TMEM50B: variants seen among roughly 807,000 people sequenced by gnomAD.
TMEM50B encodes transmembrane protein 50B, also known as HCV p7-trans-regulated protein 3.
TMEM50B carries 14 observed loss-of-function variants against 23.4 expected under a neutral mutation model. The ratio of observed to expected loss-of-function variants is 0.60; its 90% CI spans 0.39 to 0.93. The LOEUF (loss-of-function observed/expected upper bound fraction) is 0.93, where lower values mean the gene tolerates loss of function less well. Ranked by LOEUF, TMEM50B falls within the 40% of genes least tolerant of loss-of-function variation. The pLI is 0.00. For synonymous variants in TMEM50B, 64 were observed against 62.3 expected (o/e 1.03, Z -0.13); for missense variants, 159 against 193.0 (o/e 0.82, Z 1.04).
At chr21:33,472,051 A>G (rs375749158) in intron 1 of TMEM50B, among the ~76,000 whole-genome samples, 181 of 150,462 alleles carry the variant, frequency 1.2e-3, no homozygotes, top group Middle Eastern at 3.5e-3. Context: ...AAAAGAAAGA[A>G]AGAAAATTCT....
At chr21:33,434,036 G>A (rs953406976) in intron 8 of TMEM50B, among the ~76,000 whole-genome samples, 1 of 152,116 alleles carries the variant, frequency 6.6e-6, no homozygotes, top group Non-Finnish European at 1.5e-5. Context: ...GCCAGGCCCC[G>A]TGTACCCATT....
At chr21:33,440,179 G>A (rs575462397) in intron 7 of TMEM50B, among the ~76,000 whole-genome samples, 13 of 152,266 alleles carry the variant, frequency 8.5e-5, no homozygotes, top group Admixed American at 5.9e-4. Context: ...TGTAAAACCC[G>A]TGTGCTAAGA....
chr21:33,456,676 A>C (rs2084171225), intron 5 of TMEM50B, among the ~76,000 whole-genome samples: 1 of 152,180 alleles, frequency 6.6e-6, no homozygotes, highest in African/African-American at 2.4e-5. Context: ...AATCCTATCT[A>C]TACCAATGAC....
At chr21:33,446,413 T>G (rs1170124854), downstream of TMEM50B, among the ~76,000 whole-genome samples, 1 of 150,782 alleles carries the variant, frequency 6.6e-6, no homozygotes, top group Non-Finnish European at 1.5e-5. Context: ...ATTTTTTGTA[T>G]TTTTAGTAGA....
intron 1 of TMEM50B, among the ~76,000 whole-genome samples, chr21:33,476,760 C>CAAAAAAAA (rs10645412): frequency 1.5e-5 from 1 of 68,436 alleles, no homozygotes; most frequent in African/African-American, 5.5e-5. Flanking sequence ...GACTCCATCT[C>CAAAAAAAA]AAAAAAAAAA....
downstream of TMEM50B, among the ~76,000 whole-genome samples, chr21:33,446,244 TTTA>T (rs1568972717): frequency 3.2e-4 from 40 of 125,158 alleles, no homozygotes; most frequent in South Asian, 3.8e-3. Flanking sequence ...TTTTTTATTT[TTTA>T]TTTTTTTTTG....
downstream of TMEM50B, among the ~76,000 whole-genome samples, chr21:33,448,200 G>A (rs555813248): frequency 1.3e-3 from 204 of 151,954 alleles, no homozygotes; most frequent in Middle Eastern, 0.014. Flanking sequence ...TCAGTATGTT[G>A]GCCAGGCTGG....
At chr21:33,436,255 T>G (rs1482139815) in intron 8 of TMEM50B, among the ~76,000 whole-genome samples, 1 of 147,892 alleles carries the variant, frequency 6.8e-6, no homozygotes, top group Non-Finnish European at 1.5e-5. Flanking sequence ...CTTGGGAGGC[T>G]GAGGCAGAGG....
At chr21:33,468,724 C>A in intron 2 of TMEM50B, 63 bp downstream of exon 2, 1 of 1,291,908 alleles carries the variant, frequency 7.7e-7, no homozygotes, top group Non-Finnish European at 1.1e-6. Context: ...TCAAAGGAAC[C>A]GGCATTAATT....
rs1217906883 is a variant in TMEM50B, at chr21:33,455,750, A to G, written c.408T>C (p.Phe136=). The G allele has an allele frequency of 1.2e-6, 2 of 1,613,902 alleles. No homozygotes were observed. The highest frequency in any genetic ancestry group is 1.7e-6 in the Non-Finnish European group (2 of 1,179,928). ...TDVYPGLAVF[F]QNALIFFSTL... is the part of the protein sequence containing the mutation. ...ACCTAAAAAATATAAGTGCATTTTG[A>G]AAAAACACAGCTAGTCCCGGATAAA... The change falls in exon 6 of 7, where the codon TTT becomes TTC. Residue 136 remains phenylalanine (F), a synonymous_variant. Transcript: ENST00000542230.
chr21:33,473,527 A>C (rs984550581), intron 1 of TMEM50B, among the ~76,000 whole-genome samples: 8 of 151,402 alleles, frequency 5.3e-5, no homozygotes, highest in Non-Finnish European at 1.0e-4. Context: ...AAAAATGAGG[A>C]TAGCCAAGCA....
intron 1 of TMEM50B, among the ~76,000 whole-genome samples, chr21:33,477,425 A>G (rs183180661): frequency 6.9e-4 from 105 of 152,312 alleles, no homozygotes; most frequent in African/African-American, 2.4e-3. Context: ...GAGGATGTAA[A>G]GAGTGAACAA....
downstream of TMEM50B, among the ~76,000 whole-genome samples, chr21:33,446,240 AT>A (rs972337197): frequency 1.7e-4 from 15 of 86,694 alleles, no homozygotes; most frequent in Admixed American, 6.9e-4. Flanking sequence ...TTTATTTTTT[AT>A]TTTTTATTTT....
chr21:33,436,418 CTA>C (rs925398785), intron 8 of TMEM50B, among the ~76,000 whole-genome samples: 36 of 151,782 alleles, frequency 2.4e-4, no homozygotes, highest in African/African-American at 7.5e-4. Flanking sequence ...AATAAAATAA[CTA>C]TACCAATTAA....
At chr21:33,438,155 A>G (rs564987410) in intron 8 of TMEM50B, among the ~76,000 whole-genome samples, 1 of 151,998 alleles carries the variant, frequency 6.6e-6, no homozygotes, top group South Asian at 2.1e-4. Context: ...GTGGTGGTGC[A>G]CACCCGTAGT....
At chr21:33,450,950 AC>A in intron 6 of TMEM50B, 87 bp from the exon 7 acceptor site, 1 of 1,029,990 alleles carries the variant, frequency 9.7e-7, no homozygotes, top group South Asian at 1.4e-5. Flanking sequence ...TTTGACAGGT[AC>A]TTCACTGATT....
At chr21:33,447,709 CACACACACACAT>C (rs751816485), downstream of TMEM50B, among the ~76,000 whole-genome samples, 1 of 108,852 alleles carries the variant, frequency 9.2e-6, no homozygotes, top group Non-Finnish European at 1.8e-5. Context: ...CACACACACA[CACACACACACAT>C]ATATATATAT....
intron 8 of TMEM50B, among the ~76,000 whole-genome samples, chr21:33,434,134 C>T (rs1312058531): frequency 6.6e-6 from 1 of 152,196 alleles, no homozygotes; most frequent in Non-Finnish European, 1.5e-5. Flanking sequence ...CTGCATAACC[C>T]CAGCCCCCTG....
At chr21:33,473,457 G>GAAAAAAAAAAAAAAA (rs35814774) in intron 1 of TMEM50B, among the ~76,000 whole-genome samples, 1 of 84,856 alleles carries the variant, frequency 1.2e-5, no homozygotes, top group Non-Finnish European at 2.2e-5. Flanking sequence ...TGTCTCGGAA[G>GAAAAAAAAAAAAAAA]AAAAAAAAAA....
Sources: gnomAD v4.1 joint callset for allele counts (sites outside exome capture counted in the v4.1 genomes callset) on GRCh38, gnomAD v4.1.1 for gene constraint, MANE v1.5 for transcripts, NCBI Gene and HGNC (gene_info 2026-07-23, HGNC 2026-07-21) for gene names.